The following IL1RAP variants were observed in gnomAD, a reference collection of about 807,000 sequenced individuals.
IL1RAP encodes the protein interleukin-1 receptor accessory protein.
Under a neutral mutation model 60.7 loss-of-function variants are expected in IL1RAP, and 35 were observed. The observed-to-expected ratio is 0.58, with a 90% CI of 0.44 to 0.76. The LOEUF is 0.76. Ranked by LOEUF, IL1RAP falls within the 30% of genes least tolerant of loss-of-function variation. IL1RAP has a pLI of 0.00. For missense variants in IL1RAP, 572 were observed against 693.9 expected (o/e 0.82, Z 1.97); for synonymous variants, 268 against 250.9 (o/e 1.07, Z -0.64).
At chr3:190,554,925 A>G (rs1725270402) in intron 1 of IL1RAP, among the ~76,000 whole-genome samples, 1 of 152,242 alleles carries the variant, frequency 6.6e-6, no homozygotes, top group Admixed American at 6.5e-5. Context: ...AAGCTAGGGA[A>G]TTACAGGTTT....
intron 5 of IL1RAP, chr3:190,615,490 G>C: frequency 3.2e-6 from 1 of 315,114 alleles, no homozygotes; most frequent in South Asian, 2.8e-5. Flanking sequence ...ATCTTTTAGA[G>C]ATGCTTATAA....
chr3:190,546,178 T>C (rs755339640), intron 1 of IL1RAP, among the ~76,000 whole-genome samples: 16 of 152,220 alleles, frequency 1.1e-4, no homozygotes, highest in Non-Finnish European at 1.8e-4. Flanking sequence ...ACCTGCAAGA[T>C]AACATTCATC....
At chr3:190,533,927 C>T (rs1458481229) in intron 1 of IL1RAP, among the ~76,000 whole-genome samples, 1 of 151,968 alleles carries the variant, frequency 6.6e-6, no homozygotes, top group African/African-American at 2.4e-5. Flanking sequence ...TGCTTGCAGG[C>T]CAGGAGGTCA....
chr3:190,515,641 G>A (rs2108575954), intron 1 of IL1RAP, among the ~76,000 whole-genome samples: 1 of 152,028 alleles, frequency 6.6e-6, no homozygotes, highest in Admixed American at 6.6e-5. Flanking sequence ...CAAACCTCAG[G>A]CCTGTGAACT....
Position 190,649,406 on chromosome 3 carries a change from A to G in IL1RAP, c.*701A>G. 3 of 985,800 alleles carry G rather than the reference A, an allele frequency of 3.0e-6. No homozygotes were observed. The highest frequency in any genetic ancestry group is 3.6e-6 in the Non-Finnish European group (3 of 829,878). The allele number at this position is 985,800 out of a possible 1,614,324, so 61.1% of individuals were successfully genotyped here. On this transcript the variant is annotated 3_prime_UTR_variant, in exon 12 of 12. Coordinates refer to ENST00000447382, the MANE Select transcript of IL1RAP (RefSeq NM_002182.4). Reference sequence around the variant, plus strand: ...CTCCAGTCAATTCCTGATTATCCACAGGTCAACCCACATTTTTTCATTCCT... The same window carrying G: ...CTCCAGTCAATTCCTGATTATCCACGGGTCAACCCACATTTTTTCATTCCT...
At chr3:190,641,667 G>A (rs9821122) in intron 9 of IL1RAP, among the ~76,000 whole-genome samples, 49,253 of 151,990 alleles carry the variant, frequency 0.32, 8,883 homozygotes, top group African/African-American at 0.5. Flanking sequence ...TCATTAAGCA[G>A]GCTCTCTATT....
intron 3 of IL1RAP, among the ~76,000 whole-genome samples, chr3:190,599,885 C>G (rs77868878): frequency 0.075 from 11,320 of 151,572 alleles, 577 homozygotes; most frequent in East Asian, 0.14. Context: ...TTTTAGTGGG[C>G]TTTTGTTCTC....
At chr3:190,537,422 T>G (rs1421032115) in intron 1 of IL1RAP, among the ~76,000 whole-genome samples, 3 of 152,156 alleles carry the variant, frequency 2.0e-5, no homozygotes, top group Admixed American at 2.0e-4. Context: ...TTTGTCAAGA[T>G]ATTACATTAT....
At chr3:190,652,898 G>C (rs1270538997), downstream of IL1RAP, among the ~76,000 whole-genome samples, 3 of 152,134 alleles carry the variant, frequency 2.0e-5, no homozygotes, top group Non-Finnish European at 4.4e-5. Flanking sequence ...ACCTGGCTGT[G>C]ATTAACCTTC....
chr3:190,631,313 T>C (rs1292526645), intron 9 of IL1RAP, among the ~76,000 whole-genome samples: 1 of 152,214 alleles, frequency 6.6e-6, no homozygotes, highest in Non-Finnish European at 1.5e-5. Context: ...AGGTGTAATG[T>C]AGGAGTGAAG....
chr3:190,620,196 G>C (rs1293445773), intron 5 of IL1RAP, 79 bp from the exon 6 acceptor site: 27 of 716,576 alleles, frequency 3.8e-5, no homozygotes, highest in Non-Finnish European at 5.6e-5. Context: ...TGCAAAATTA[G>C]ATGTGAGTGT....
chr3:190,527,684 AT>A (rs58914187), intron 1 of IL1RAP, among the ~76,000 whole-genome samples: 5,282 of 112,928 alleles, frequency 0.047, 189 homozygotes, highest in African/African-American at 0.15. Flanking sequence ...GCTTGTTTAC[AT>A]TTTTTTTTTT....
chr3:190,611,193 C>G (rs1730792669), intron 5 of IL1RAP, among the ~76,000 whole-genome samples: 1 of 152,184 alleles, frequency 6.6e-6, no homozygotes, highest in Non-Finnish European at 1.5e-5. Context: ...ATCTAAGCAT[C>G]AATGACTGCT....
At chr3:190,609,687 A>G (rs188765189) in intron 5 of IL1RAP, among the ~76,000 whole-genome samples, 59 of 152,326 alleles carry the variant, frequency 3.9e-4, no homozygotes, top group African/African-American at 1.3e-3. Flanking sequence ...TTGTAGCAGC[A>G]GCATAGCTTT....
At position 190,648,503 on chromosome 3, in the gene IL1RAP, A is replaced by G. The variant is rs1734196946; in HGVS notation, c.1511A>G (p.Lys504Arg). Residue 504 changes from lysine to arginine, a missense_variant, in exon 12 of 12, where the codon AAA (lysine) becomes AGA (arginine). Physicochemically the swap from Lys to Arg is conservative, Grantham distance 26 (BLOSUM62 2). Transcript: ENST00000447382. ...ATCAACGTCATTTTAGTACAGTACAAAGCTGTGAAGGAAACGAAGGTGAAA... is the reference window on the plus strand; with the variant it reads ...ATCAACGTCATTTTAGTACAGTACAGAGCTGTGAAGGAAACGAAGGTGAAA... ...GNINVILVQY[K>R]AVKETKVKEL... 2 of 1,614,094 alleles carry G rather than the reference A, an allele frequency of 1.2e-6. No homozygotes were observed. The highest frequency in any genetic ancestry group is 4.5e-5 in the East Asian group (2 of 44,866).
chr3:190,596,173 G>A (rs371810216), intron 3 of IL1RAP, among the ~76,000 whole-genome samples: 2 of 152,296 alleles, frequency 1.3e-5, no homozygotes. Flanking sequence ...TGAGTTTCCT[G>A]ATTTTTTATA....
At chr3:190,643,901 G>A (rs576648343) in intron 9 of IL1RAP, among the ~76,000 whole-genome samples, 179 of 152,288 alleles carry the variant, frequency 1.2e-3, no homozygotes, top group African/African-American at 4.1e-3. Flanking sequence ...AGGATGGAAT[G>A]ATAATTTTCA....
intron 3 of IL1RAP, among the ~76,000 whole-genome samples, chr3:190,575,252 G>A (rs191365203): frequency 3.3e-5 from 5 of 152,248 alleles, no homozygotes; most frequent in Admixed American, 1.3e-4. Flanking sequence ...GACATTGTGC[G>A]TGTATTCATT....
intron 1 of IL1RAP, among the ~76,000 whole-genome samples, chr3:190,523,846 A>G (rs1722288047): frequency 6.6e-6 from 1 of 152,128 alleles, no homozygotes; most frequent in Non-Finnish European, 1.5e-5. Context: ...ATATGTCTTT[A>G]TAATAGAATA....
Sources: gnomAD v4.1 joint callset for allele counts (sites outside exome capture counted in the v4.1 genomes callset) on GRCh38, gnomAD v4.1.1 for gene constraint, MANE v1.5 for transcripts, NCBI Gene and HGNC (gene_info 2026-07-23, HGNC 2026-07-21) for gene names.